Variants in MMP26 observed in about 807,000 individuals in gnomAD.
MMP26 encodes matrix metalloproteinase-26.
Under a neutral mutation model 31.0 loss-of-function variants are expected in MMP26, and 33 were observed. That is an observed-to-expected ratio of 1.06 (90% CI 0.81 to 1.42). The LOEUF is 1.42. Ranked by LOEUF, MMP26 falls within the 40% of genes most tolerant of loss-of-function variation. MMP26 has a pLI of 0.00. For missense variants in MMP26, 347 were observed against 316.1 expected (o/e 1.10, Z -0.74); for synonymous variants, 122 against 114.9 (o/e 1.06, Z -0.40).
In MMP26 at chr11:4,946,179, A is replaced by G. The variant is rs140983779; in HGVS notation, c.-144-41889A>G. The G allele has an allele frequency of 7.7e-4, 1,240 of 1,613,842 alleles. No homozygotes were observed. In the African/African-American group the frequency reaches 8.2e-3, roughly 11 times the overall value. On this transcript the variant is annotated intron_variant, in intron 2 of 7. Transcript: ENST00000380390. ...GACTGTTAAATCTTCCGTTGACACA[A>G]TTTTGCTACAACTCTCACTCTAATC...
At chr11:4,982,637 A>G (rs1489980680) in intron 2 of MMP26, among the ~76,000 whole-genome samples, 1 of 152,212 alleles carries the variant, frequency 6.6e-6, no homozygotes, top group Non-Finnish European at 1.5e-5. Context: ...TACTCTTATA[A>G]TTACTATTTT....
chr11:4,732,562 G>C (rs200857692), intron 1 of MMP26, among the ~76,000 whole-genome samples: 3 of 127,656 alleles, frequency 2.4e-5, no homozygotes, highest in South Asian at 5.0e-4. Context: ...AAAAAAAAAA[G>C]AAAATTTTCA....
At chr11:4,828,716 C>A (rs547317081) in intron 2 of MMP26, among the ~76,000 whole-genome samples, 1 of 152,154 alleles carries the variant, frequency 6.6e-6, no homozygotes, top group Admixed American at 6.6e-5. Context: ...TGGTTCGACA[C>A]TTATGTGCTT....
intron 1 of MMP26, among the ~76,000 whole-genome samples, chr11:4,739,221 A>T (rs984311387): frequency 6.6e-6 from 1 of 152,214 alleles, no homozygotes; most frequent in Non-Finnish European, 1.5e-5. Context: ...TACAAAACTC[A>T]GGACAGTAGG....
chr11:4,911,139 T>C (rs2133569643), intron 2 of MMP26, among the ~76,000 whole-genome samples: 1 of 152,300 alleles, frequency 6.6e-6, no homozygotes, highest in African/African-American at 2.4e-5. Flanking sequence ...GACACCCTCC[T>C]TCTCTCAGTT....
At chr11:4,835,225 C>CACACAG (rs747701738) in intron 2 of MMP26, among the ~76,000 whole-genome samples, 63 of 151,804 alleles carry the variant, frequency 4.2e-4, no homozygotes, top group Admixed American at 6.6e-4. Context: ...CACACACACA[C>CACACAG]ACACACACAT....
At chr11:4,898,619 A>T (rs59256609) in intron 2 of MMP26, among the ~76,000 whole-genome samples, 4,972 of 152,238 alleles carry the variant, frequency 0.033, 272 homozygotes, top group African/African-American at 0.11. Flanking sequence ...GGGTTATAGT[A>T]ACAAAAATAA....
Position 4,821,395 on chromosome 11 carries a change from A to C in MMP26, c.-145+54054A>C, listed in dbSNP as rs780395331. 1.1e-4 allele frequency: 179 copies of C among 1,612,842 alleles called. No individual in the cohort carries two copies. The highest frequency in any genetic ancestry group is 1.8e-4 in the Admixed American group (11 of 59,956). ...TTATGTGTTATGTTAAATGACTGAA[A>C]CATCCCTGTCTTCTCAGTGCTTCCC... On this transcript the variant is annotated intron_variant, in intron 2 of 7. Transcript: ENST00000380390.
intron 2 of MMP26, among the ~76,000 whole-genome samples, chr11:4,907,126 C>CAAAA (rs1850907074): frequency 1.2e-5 from 1 of 85,194 alleles, no homozygotes. Context: ...TCCTAAAAAT[C>CAAAA]CTAAAAAGTC....
At chr11:4,709,814 CATGCTGGGTATTTTCTGGTTCA>C (rs1379230018) in intron 1 of MMP26, 1 of 457,312 alleles carries the variant, frequency 2.2e-6, no homozygotes, top group Non-Finnish European at 4.4e-6. Context: ...CATTGACCAC[CATGCTGGGTATTTTCTGGTTCA>C]ATGCTCGAGA....
At chr11:4,937,819 AG>A (rs948986408) in intron 2 of MMP26, 2 of 154,726 alleles carry the variant, frequency 1.3e-5, no homozygotes, top group Admixed American at 6.5e-5. Context: ...GGGCAGTGGA[AG>A]GATCAAAAGA....
intron 2 of MMP26, among the ~76,000 whole-genome samples, chr11:4,918,574 T>C (rs1314355071): frequency 2.0e-5 from 3 of 152,144 alleles, no homozygotes; most frequent in Non-Finnish European, 4.4e-5. Flanking sequence ...CTTAGTATGA[T>C]AATTATTCTG....
intron 2 of MMP26, among the ~76,000 whole-genome samples, chr11:4,813,107 A>G (rs1023536262): frequency 6.6e-6 from 1 of 151,830 alleles, no homozygotes; most frequent in Non-Finnish European, 1.5e-5. Context: ...TGGGTTCAAG[A>G]GATTCTCCTG....
At chr11:4,777,664 C>G (rs1041851478) in intron 2 of MMP26, among the ~76,000 whole-genome samples, 2 of 152,054 alleles carry the variant, frequency 1.3e-5, no homozygotes, top group Non-Finnish European at 2.9e-5. Context: ...CACTTCTATC[C>G]AAATAGGTTA....
intron 1 of MMP26, chr11:4,718,846 A>G (rs906784426): frequency 1.9e-5 from 3 of 161,580 alleles, no homozygotes; most frequent in Admixed American, 1.3e-4. Context: ...GTCCATATCC[A>G]CTCTGGTCAC....
chr11:4,806,560 T>G (rs1849273425), intron 2 of MMP26, among the ~76,000 whole-genome samples: 1 of 152,110 alleles, frequency 6.6e-6, no homozygotes, highest in Admixed American at 6.5e-5. Context: ...CCTTTTTTGG[T>G]TTTCCATTTG....
intron 2 of MMP26, among the ~76,000 whole-genome samples, chr11:4,852,776 T>C (rs747321162): frequency 3.3e-5 from 5 of 152,164 alleles, no homozygotes; most frequent in South Asian, 2.1e-4. Flanking sequence ...CCCGTGTCCA[T>C]TGAAGCATTA....
chr11:4,911,228 A>G (rs1297463000), intron 2 of MMP26, among the ~76,000 whole-genome samples: 1 of 152,164 alleles, frequency 6.6e-6, no homozygotes, highest in Non-Finnish European at 1.5e-5. Context: ...ATTTCAGCAA[A>G]TAATGGACTT....
chr11:4,935,174 C>A (rs905382734), intron 2 of MMP26, among the ~76,000 whole-genome samples: 2 of 151,710 alleles, frequency 1.3e-5, no homozygotes, highest in Non-Finnish European at 2.9e-5. Flanking sequence ...GGCAGTATGG[C>A]CGTTTTCACG....
Sources: allele counts gnomAD v4.1 joint callset (sites outside exome capture counted in the v4.1 genomes callset), GRCh38; gene constraint gnomAD v4.1.1; transcripts MANE v1.5; gene names NCBI Gene and HGNC (gene_info 2026-07-23, HGNC 2026-07-21).